NDUFA10: variants seen among roughly 807,000 people sequenced by gnomAD.
NDUFA10 encodes the protein NADH dehydrogenase [ubiquinone] 1 alpha subcomplex subunit 10, mitochondrial.
NDUFA10 carries 40 observed loss-of-function variants against 47.8 expected under a neutral mutation model. The ratio of observed to expected loss-of-function variants is 0.84; its 90% CI spans 0.65 to 1.09. The LOEUF (loss-of-function observed/expected upper bound fraction) is 1.09. Among genes scored for constraint, NDUFA10 ranks in the 50% least tolerant of loss-of-function variants. The pLI is 0.00. For missense variants in NDUFA10, 413 were observed against 451.1 expected (o/e 0.92, Z 0.76); for synonymous variants, 183 against 172.2 (o/e 1.06, Z -0.49).
intron 8 of NDUFA10, among the ~76,000 whole-genome samples, chr2:239,997,453 G>A (rs1297656913): frequency 6.6e-6 from 1 of 152,172 alleles, no homozygotes; most frequent in Non-Finnish European, 1.5e-5. Context: ...GAAAGTTTTT[G>A]TTTGCATTTT....
At chr2:239,954,248 C>T (rs1251730987), downstream of NDUFA10, among the ~76,000 whole-genome samples, 3 of 149,768 alleles carry the variant, frequency 2.0e-5, no homozygotes, top group Non-Finnish European at 4.4e-5. Context: ...TTCCCCCTGA[C>T]GGTCAGGCTG....
downstream of NDUFA10, among the ~76,000 whole-genome samples, chr2:239,956,555 T>G (rs1016917141): frequency 2.0e-5 from 3 of 152,224 alleles, no homozygotes; most frequent in Non-Finnish European, 4.4e-5. Context: ...CTTGGAGGAC[T>G]GGCGTTGCTC....
chr2:240,010,626 T>C (rs985991184), intron 6 of NDUFA10, among the ~76,000 whole-genome samples: 18 of 152,016 alleles, frequency 1.2e-4, no homozygotes, highest in African/African-American at 3.9e-4. Flanking sequence ...CCAGTCTTCT[T>C]ACCACCTAAG....
At chr2:239,985,315 T>A (rs1695954099) in intron 9 of NDUFA10, among the ~76,000 whole-genome samples, 1 of 151,980 alleles carries the variant, frequency 6.6e-6, no homozygotes, top group South Asian at 2.1e-4. Context: ...AAACTTGAAA[T>A]TATAACAATG....
intron 9 of NDUFA10, among the ~76,000 whole-genome samples, chr2:239,974,456 G>A (rs1038229506): frequency 6.6e-5 from 10 of 152,296 alleles, no homozygotes; most frequent in Admixed American, 2.6e-4. Context: ...TTCTTTACTC[G>A]TCTGTGTACC....
intron 4 of NDUFA10, among the ~76,000 whole-genome samples, chr2:239,910,584 G>A (rs1048660006): frequency 2.6e-5 from 4 of 152,062 alleles, no homozygotes; most frequent in Non-Finnish European, 2.9e-5. Context: ...GGAAGGGAGA[G>A]GATCAGGAAG....
At chr2:240,017,748 T>G (rs1697422901) in intron 4 of NDUFA10, 1 of 1,315,532 alleles carries the variant, frequency 7.6e-7, no homozygotes, top group Non-Finnish European at 1.1e-6. Context: ...AGCTCACAGG[T>G]GGAGTACCGG....
At chr2:239,956,416 G>A (rs114478106), downstream of NDUFA10, among the ~76,000 whole-genome samples, 2,747 of 152,254 alleles carry the variant, frequency 0.018, 79 homozygotes, top group African/African-American at 0.062. Context: ...CTGAGCACGT[G>A]GGGTCCTACC....
At chr2:239,919,852 C>T (rs56697048) in intron 4 of NDUFA10, among the ~76,000 whole-genome samples, 1 of 152,184 alleles carries the variant, frequency 6.6e-6, no homozygotes, top group African/African-American at 2.4e-5. Flanking sequence ...GGGGAAGACA[C>T]GGCCCCTACG....
downstream of NDUFA10, among the ~76,000 whole-genome samples, chr2:239,952,917 T>C (rs1694580472): frequency 6.6e-6 from 1 of 152,204 alleles, no homozygotes; most frequent in South Asian, 2.1e-4. Context: ...CCCATCTCTG[T>C]GGTGGGTGAG....
At position 239,959,491 on chromosome 2, in the gene NDUFA10, A is replaced by G. The variant is rs1694758147; in HGVS notation, c.*1627T>C. 3 of 985,484 alleles carry G rather than the reference A, an allele frequency of 3.0e-6. No homozygotes were observed. The highest frequency in any genetic ancestry group is 2.4e-6 in the Non-Finnish European group (2 of 829,948). The allele number at this position is 985,484 out of a possible 1,614,324, so 61.0% of individuals were successfully genotyped here. Reference sequence around the variant, plus strand: ...CAAAAGACACTCTGTGACTGGCCCAATGCCCAGCTGTGCTTTCATTTCATG... The same window carrying G: ...CAAAAGACACTCTGTGACTGGCCCAGTGCCCAGCTGTGCTTTCATTTCATG... On this transcript the variant is annotated 3_prime_UTR_variant, in exon 10 of 10. Transcript: ENST00000252711.
intron 4 of NDUFA10, among the ~76,000 whole-genome samples, chr2:239,948,044 G>A (rs1559305060): frequency 6.6e-6 from 1 of 152,250 alleles, no homozygotes; most frequent in Non-Finnish European, 1.5e-5. Flanking sequence ...TGAGGTGGAG[G>A]AGGTGAGGTC....
chr2:239,975,651 C>G (rs1460851821), intron 9 of NDUFA10, among the ~76,000 whole-genome samples: 1 of 152,218 alleles, frequency 6.6e-6, no homozygotes, highest in South Asian at 2.1e-4. Flanking sequence ...CTGCGATCAG[C>G]AGCAGAAGTG....
intron 9 of NDUFA10, among the ~76,000 whole-genome samples, chr2:239,985,764 A>G (rs1385333904): frequency 6.6e-6 from 1 of 152,138 alleles, no homozygotes; most frequent in Non-Finnish European, 1.5e-5. Context: ...ACAAAAAATT[A>G]GCTGGGCATG....
At chr2:239,937,342 T>C (rs1694281628) in intron 4 of NDUFA10, among the ~76,000 whole-genome samples, 2 of 152,346 alleles carry the variant, frequency 1.3e-5, no homozygotes, top group South Asian at 4.1e-4. Context: ...CTGAAAAGGA[T>C]GCCTCATGCC....
chr2:239,963,731 A>G (rs968720327), intron 9 of NDUFA10, among the ~76,000 whole-genome samples: 6 of 152,158 alleles, frequency 3.9e-5, no homozygotes, highest in African/African-American at 7.2e-5. Flanking sequence ...CTGTGCAGCC[A>G]CCTCCCAGTA....
intron 4 of NDUFA10, among the ~76,000 whole-genome samples, chr2:239,933,640 C>T (rs1243802660): frequency 6.6e-6 from 1 of 151,558 alleles, no homozygotes; most frequent in East Asian, 2.0e-4. Context: ...CTGCAGCCTC[C>T]TCCCAGGGCT....
intron 4 of NDUFA10, among the ~76,000 whole-genome samples, chr2:240,015,703 T>C (rs746031345): frequency 1.3e-5 from 2 of 151,558 alleles, no homozygotes; most frequent in African/African-American, 2.5e-5. Context: ...CACATGCTCA[T>C]GCACACCCGA....
chr2:239,955,898 A>G (rs1401561594), downstream of NDUFA10, among the ~76,000 whole-genome samples: 1 of 152,202 alleles, frequency 6.6e-6, no homozygotes, highest in East Asian at 1.9e-4. Context: ...GGGGCAGGGC[A>G]GCAGAGCCCG....
Sources: allele counts gnomAD v4.1 joint callset (sites outside exome capture counted in the v4.1 genomes callset), GRCh38; gene constraint gnomAD v4.1.1; transcripts MANE v1.5; gene names NCBI Gene and HGNC (gene_info 2026-07-23, HGNC 2026-07-21).